The following BACH2 variants were observed in gnomAD, a reference collection of about 807,000 sequenced individuals.
BACH2 encodes transcription regulator protein BACH2.
Under a neutral mutation model 61.8 loss-of-function variants are expected in BACH2, and 5 were observed. That is an observed-to-expected ratio of 0.08 (90% CI 0.04 to 0.17). The LOEUF is 0.17. Among genes scored for constraint, BACH2 ranks in the 10% least tolerant of loss-of-function variants. BACH2 has a pLI of 1.00. For synonymous variants in BACH2, 446 were observed against 440.1 expected (o/e 1.01, Z -0.17); for missense variants, 824 against 1,091.1 (o/e 0.76, Z 3.45).
chr6:90,061,314 T>C (rs1780675132), intron 5 of BACH2, among the ~76,000 whole-genome samples: 3 of 152,144 alleles, frequency 2.0e-5, no homozygotes, highest in African/African-American at 7.2e-5. Context: ...AGTTTGGATG[T>C]GGAAGGTGAG....
At chr6:90,284,592 A>G (rs1304787454) in intron 1 of BACH2, among the ~76,000 whole-genome samples, 2 of 152,220 alleles carry the variant, frequency 1.3e-5, no homozygotes, top group African/African-American at 4.8e-5. Context: ...GGAGATGCTT[A>G]GCGCAGAGAT....
chr6:90,080,184 A>C (rs1781662393), intron 5 of BACH2, among the ~76,000 whole-genome samples: 1 of 152,170 alleles, frequency 6.6e-6, no homozygotes, highest in Non-Finnish European at 1.5e-5. Flanking sequence ...TCTTCAAATT[A>C]ACAAAAGTGA....
chr6:90,107,971 A>G (rs1471778072), intron 4 of BACH2, among the ~76,000 whole-genome samples: 1 of 152,170 alleles, frequency 6.6e-6, no homozygotes, highest in Non-Finnish European at 1.5e-5. Flanking sequence ...GTAAATTCCA[A>G]GAGGAAACTC....
chr6:90,159,491 TTGTC>T (rs1312460177), intron 4 of BACH2, among the ~76,000 whole-genome samples: 1 of 152,216 alleles, frequency 6.6e-6, no homozygotes, highest in East Asian at 1.9e-4. Context: ...ACAAATCCCT[TTGTC>T]TGCATTCTCT....
At chr6:89,934,957 C>A (rs922575268) in intron 8 of BACH2, among the ~76,000 whole-genome samples, 1 of 152,058 alleles carries the variant, frequency 6.6e-6, no homozygotes, top group Non-Finnish European at 1.5e-5. Context: ...GAGATTTACA[C>A]CGGGAAAGGG....
chr6:90,201,086 T>G (rs946795996), intron 4 of BACH2, among the ~76,000 whole-genome samples: 5 of 152,210 alleles, frequency 3.3e-5, no homozygotes, highest in African/African-American at 1.2e-4. Context: ...AATCCCTCCT[T>G]GGCATTTTTA....
At chr6:90,161,983 G>A (rs1785207497) in intron 4 of BACH2, among the ~76,000 whole-genome samples, 1 of 152,112 alleles carries the variant, frequency 6.6e-6, no homozygotes, top group African/African-American at 2.4e-5. Flanking sequence ...TAACCTTTGA[G>A]ATTCAGACTG....
intron 4 of BACH2, among the ~76,000 whole-genome samples, chr6:90,165,974 A>G (rs1767597360): frequency 6.6e-6 from 1 of 152,172 alleles, no homozygotes. Context: ...AAACCTAGGC[A>G]TTACCATTCA....
chr6:90,146,475 G>C (rs1784624571), intron 4 of BACH2, among the ~76,000 whole-genome samples: 1 of 152,194 alleles, frequency 6.6e-6, no homozygotes, highest in African/African-American at 2.4e-5. Context: ...TGGCATATAT[G>C]AAAGTTTTCT....
chr6:90,237,549 A>AT (rs1770301201), intron 3 of BACH2, among the ~76,000 whole-genome samples: 1 of 152,196 alleles, frequency 6.6e-6, no homozygotes, highest in Non-Finnish European at 1.5e-5. Flanking sequence ...TATCACTAGA[A>AT]TATCTGACCA....
At chr6:90,139,353 C>A (rs1211578990) in intron 4 of BACH2, among the ~76,000 whole-genome samples, 1 of 152,122 alleles carries the variant, frequency 6.6e-6, no homozygotes, top group African/African-American at 2.4e-5. Flanking sequence ...GCCAGACAGA[C>A]CTAACACGTG....
At chr6:90,195,195 T>C (rs1175924594) in intron 4 of BACH2, among the ~76,000 whole-genome samples, 2 of 151,998 alleles carry the variant, frequency 1.3e-5, no homozygotes, top group Admixed American at 6.5e-5. Context: ...ACCTCCCCCC[T>C]CCCCCATCTC....
chr6:89,960,912 T>A (rs1774707143), intron 6 of BACH2, among the ~76,000 whole-genome samples: 1 of 152,194 alleles, frequency 6.6e-6, no homozygotes. Flanking sequence ...CCTTAGGTAT[T>A]TCTTTGGTTG....
At chr6:90,105,659 G>T (rs1782869714) in intron 4 of BACH2, among the ~76,000 whole-genome samples, 1 of 152,140 alleles carries the variant, frequency 6.6e-6, no homozygotes, top group Admixed American at 6.5e-5. Context: ...CCCACTTTCA[G>T]GAGTTTCCCA....
intron 5 of BACH2, among the ~76,000 whole-genome samples, chr6:90,086,294 G>C (rs1433767612): frequency 6.6e-6 from 1 of 152,076 alleles, no homozygotes; most frequent in Non-Finnish European, 1.5e-5. Flanking sequence ...CTATGAACAT[G>C]GTTGTACACA....
intron 3 of BACH2, among the ~76,000 whole-genome samples, chr6:90,244,780 C>CT (rs1465364229): frequency 6.6e-6 from 1 of 152,244 alleles, no homozygotes; most frequent in East Asian, 1.9e-4. Context: ...CTATTGCCCC[C>CT]TCTGAGCCAT....
At chr6:90,180,880 CACACACACACAT>C (rs1768137848) in intron 4 of BACH2, among the ~76,000 whole-genome samples, 2 of 152,000 alleles carry the variant, frequency 1.3e-5, no homozygotes, top group Admixed American at 1.3e-4. Context: ...CACACACACA[CACACACACACAT>C]TCCTCACATG....
chr6:90,041,379 T>C (rs983562158), intron 5 of BACH2, among the ~76,000 whole-genome samples: 2 of 151,842 alleles, frequency 1.3e-5, no homozygotes, highest in Non-Finnish European at 2.9e-5. Flanking sequence ...AAAATAGATG[T>C]TGAATTACAT....
rs1772638608 is a variant in BACH2, at chr6:89,931,498, T to C, written c.*910A>G. 6.5e-6 allele frequency: 1 copy of C among 152,718 alleles called. No individual in the cohort carries two copies. Among genetic ancestry groups the C allele is most frequent in the South Asian group, 2.1e-4 (1 of 4,830 alleles). The allele number at this position is 152,718 out of a possible 1,614,324, so 9.5% of individuals were successfully genotyped here. A position where few individuals can be genotyped will look rare whatever the true frequency, so the allele number is the denominator to read the frequency against. On this transcript the variant is annotated 3_prime_UTR_variant, in exon 9 of 9. Coordinates refer to ENST00000257749, the MANE Select transcript of BACH2 (RefSeq NM_021813.4). ...AAGAATATACAGTATACTTGAGTTA[T>C]ACCGAAGTTACAACTTCATTTAAGA...
Sources: gnomAD v4.1 joint callset for allele counts (sites outside exome capture counted in the v4.1 genomes callset) on GRCh38, gnomAD v4.1.1 for gene constraint, MANE v1.5 for transcripts, NCBI Gene and HGNC (gene_info 2026-07-23, HGNC 2026-07-21) for gene names.